Variants in SNRNP40 observed in about 807,000 individuals in gnomAD.
SNRNP40 encodes U5 small nuclear ribonucleoprotein 40 kDa protein.
SNRNP40 carries 21 observed loss-of-function variants against 45.8 expected under a neutral mutation model. That is an observed-to-expected ratio of 0.46 (90% CI 0.32 to 0.66). The LOEUF (loss-of-function observed/expected upper bound fraction) is 0.66. Ranked by LOEUF, SNRNP40 falls within the 30% of genes least tolerant of loss-of-function variation. The pLI, the probability that SNRNP40 is intolerant of heterozygous loss-of-function variation, is 0.03. For synonymous variants in SNRNP40, 142 were observed against 163.8 expected (o/e 0.87, Z 1.01); for missense variants, 344 against 439.1 (o/e 0.78, Z 1.94).
At position 31,260,551 on chromosome 1, in the gene SNRNP40, A is replaced by G. The variant is rs116993848; in HGVS notation, c.1025-430T>C. Among the ~76,000 whole-genome samples, 893 of 152,184 alleles carry G rather than the reference A, an allele frequency of 5.9e-3. 72 individuals are homozygous for G. The East Asian group carries it at 0.15, about 25-fold the overall frequency. On this transcript the variant is annotated intron_variant, in intron 9 of 9. Coordinates refer to ENST00000263694, the MANE Select transcript of SNRNP40 (RefSeq NM_004814.3). ...GCCAAAAAATTTTAAGCTGAAATTT[A>G]TATCTAAATATTAAAAAGTATCATT...
intron 4 of SNRNP40, chr1:31,282,495 C>CTATG (rs1646024390): frequency 6.7e-6 from 1 of 148,246 alleles, no homozygotes; most frequent in Non-Finnish European, 1.5e-5. Context: ...ATCTATCTAT[C>CTATG]TATCTATCTA....
chr1:31,271,885 C>T (rs1350794614), intron 5 of SNRNP40, among the ~76,000 whole-genome samples: 1 of 152,152 alleles, frequency 6.6e-6, no homozygotes, highest in African/African-American at 2.4e-5. Context: ...ATCCTCCCAC[C>T]TCATCCTCTC....
chr1:31,279,746 C>CAA (rs201469487), intron 5 of SNRNP40, among the ~76,000 whole-genome samples: 24 of 149,642 alleles, frequency 1.6e-4, no homozygotes, highest in Admixed American at 1.5e-3. Flanking sequence ...GACTCTGTCT[C>CAA]AAAAAAAAGA....
In SNRNP40 at chr1:31,282,955, C is replaced by T. The variant is rs541149031; in HGVS notation, c.532-1459G>A. Reference sequence around the variant, plus strand: ...CCTCCCAAAGTGCTAAGATTACAGGCATGAGCCACCACGCCTGGCCCATTC... The same window carrying T: ...CCTCCCAAAGTGCTAAGATTACAGGTATGAGCCACCACGCCTGGCCCATTC... On this transcript the variant is annotated intron_variant, in intron 4 of 9. Coordinates refer to ENST00000263694, the MANE Select transcript of SNRNP40 (RefSeq NM_004814.3). Among the ~76,000 whole-genome samples, 8 of 152,310 alleles carry T rather than the reference C, an allele frequency of 5.3e-5. No homozygotes were observed. The East Asian group carries it at 1.5e-3, about 29-fold the overall frequency.
intron 5 of SNRNP40, among the ~76,000 whole-genome samples, chr1:31,277,712 T>C (rs1053672637): frequency 2.0e-5 from 3 of 152,234 alleles, no homozygotes; most frequent in Non-Finnish European, 4.4e-5. Context: ...TTTAATGCTT[T>C]GAGACAGGGT....
At chr1:31,260,954 C>A in intron 9 of SNRNP40, 2 of 1,133,466 alleles carry the variant, frequency 1.8e-6, no homozygotes, top group Non-Finnish European at 2.2e-6. Flanking sequence ...ATTAGACTTA[C>A]CAACTTCCCT....
intron 1 of SNRNP40, among the ~76,000 whole-genome samples, chr1:31,293,594 T>G (rs1015029290): frequency 2.6e-5 from 4 of 152,232 alleles, no homozygotes; most frequent in Non-Finnish European, 5.9e-5. Flanking sequence ...GACCAACTTT[T>G]TTTTGGAGAT....
Position 31,260,066 on chromosome 1 carries a change from A to C in SNRNP40, c.*6T>G. ...AAGCGGCCTTGGAGTCTTCCAGTCC[A>C]TATCTTCACTGAATCTCTCCCATAT... On this transcript the variant is annotated 3_prime_UTR_variant, in exon 10 of 10. Coordinates refer to ENST00000263694, the MANE Select transcript of SNRNP40 (RefSeq NM_004814.3). The C allele has an allele frequency of 1.9e-6, 3 of 1,607,558 alleles. No homozygotes were observed. Among genetic ancestry groups the C allele is most frequent in the Non-Finnish European group, 2.6e-6 (3 of 1,174,200 alleles).
At chr1:31,272,930 G>T (rs1284681531) in intron 5 of SNRNP40, among the ~76,000 whole-genome samples, 1 of 152,068 alleles carries the variant, frequency 6.6e-6, no homozygotes, top group Non-Finnish European at 1.5e-5. Context: ...ATTTCATATT[G>T]CAATGTAGTT....
intron 4 of SNRNP40, among the ~76,000 whole-genome samples, chr1:31,282,671 ATC>A: frequency 6.7e-6 from 1 of 148,608 alleles, no homozygotes; most frequent in East Asian, 2.1e-4. Context: ...TATCTATCTA[ATC>A]TCTATCTATC....
At chr1:31,265,907 G>C (rs1645892754) in intron 8 of SNRNP40, among the ~76,000 whole-genome samples, 1 of 152,090 alleles carries the variant, frequency 6.6e-6, no homozygotes, top group Admixed American at 6.6e-5. Flanking sequence ...AAAATACTTA[G>C]GATAGTTCTT....
At chr1:31,293,155 A>G in intron 2 of SNRNP40, 64 bp downstream of exon 2, 1 of 1,591,652 alleles carries the variant, frequency 6.3e-7, no homozygotes, top group Non-Finnish European at 8.6e-7. Context: ...GGCACCCAAG[A>G]TTTAAAAAAA....
chr1:31,263,128 T>C (rs1425458141), intron 8 of SNRNP40: 1 of 152,066 alleles, frequency 6.6e-6, no homozygotes, highest in Non-Finnish European at 1.5e-5. Flanking sequence ...AATACTGAAA[T>C]AACACAATGT....
intron 1 of SNRNP40, 130 bp from the exon 2 acceptor site, chr1:31,293,478 G>A: frequency 1.1e-6 from 1 of 890,940 alleles, no homozygotes; most frequent in Non-Finnish European, 1.7e-6. Context: ...CTTACAGAAT[G>A]GTAGCTCTTC....
intron 5 of SNRNP40, among the ~76,000 whole-genome samples, chr1:31,279,434 A>G (rs1326373247): frequency 6.6e-6 from 1 of 152,234 alleles, no homozygotes; most frequent in Non-Finnish European, 1.5e-5. Context: ...CAATATTATC[A>G]CCACCACCAT....
At chr1:31,273,115 T>A (rs1645949969) in intron 5 of SNRNP40, among the ~76,000 whole-genome samples, 2 of 152,226 alleles carry the variant, frequency 1.3e-5, no homozygotes, top group Non-Finnish European at 2.9e-5. Flanking sequence ...ATCATTTTTT[T>A]ATATCAAGAT....
chr1:31,268,505 C>G (rs1645914965), intron 7 of SNRNP40, among the ~76,000 whole-genome samples: 2 of 152,062 alleles, frequency 1.3e-5, no homozygotes, highest in South Asian at 4.2e-4. Context: ...TCTCTAACTC[C>G]TGGCCTCCCA....
chr1:31,295,422 G>C (rs932751497), intron 1 of SNRNP40, among the ~76,000 whole-genome samples: 3 of 152,200 alleles, frequency 2.0e-5, no homozygotes, highest in African/African-American at 7.2e-5. Context: ...AGGGTGGTCA[G>C]GAAAATCCTC....
intron 5 of SNRNP40, among the ~76,000 whole-genome samples, chr1:31,273,032 A>G (rs1194832194): frequency 2.0e-5 from 3 of 152,236 alleles, no homozygotes; most frequent in Non-Finnish European, 4.4e-5. Flanking sequence ...GCAGAGCAAT[A>G]CATAGGGCAG....
Sources: allele counts gnomAD v4.1 joint callset (sites outside exome capture counted in the v4.1 genomes callset), GRCh38; gene constraint gnomAD v4.1.1; transcripts MANE v1.5; gene names NCBI Gene and HGNC (gene_info 2026-07-23, HGNC 2026-07-21).